The following PTPRK variants were observed in gnomAD, a reference collection of about 807,000 sequenced individuals.
PTPRK encodes the protein protein tyrosine phosphatase receptor type K.
Under a neutral mutation model 178.0 loss-of-function variants are expected in PTPRK, and 75 were observed. The observed-to-expected ratio is 0.42, with a 90% confidence interval of 0.35 to 0.51. PTPRK has a LOEUF of 0.51. Among genes scored for constraint, PTPRK ranks in the 20% least tolerant of loss-of-function variants. PTPRK has a pLI of 0.02. For missense variants in PTPRK, 1,441 were observed against 1,797.8 expected, an observed-to-expected ratio of 0.80 and a Z score of 3.59; for synonymous variants, 637 against 620.6, an observed-to-expected ratio of 1.03 and a Z score of -0.39.
chr6:128,399,282 G>T (rs1840722977), intron 1 of PTPRK, among the ~76,000 whole-genome samples: 1 of 152,126 alleles, frequency 6.6e-6, no homozygotes, highest in African/African-American at 2.4e-5. Context: ...GACAGGGAGG[G>T]GTCAGTGTCA....
intron 13 of PTPRK, among the ~76,000 whole-genome samples, chr6:128,048,805 T>G (rs1313462090): frequency 1.3e-5 from 2 of 152,218 alleles, no homozygotes; most frequent in Non-Finnish European, 2.9e-5. Flanking sequence ...ATAACTGATT[T>G]TGGTATCCTC....
At chr6:128,338,118 T>C (rs1831188210) in intron 2 of PTPRK, among the ~76,000 whole-genome samples, 1 of 152,176 alleles carries the variant, frequency 6.6e-6, no homozygotes, top group South Asian at 2.1e-4. Flanking sequence ...GTTGCTATCA[T>C]AAGTCAGATT....
At chr6:128,036,012 C>T (rs1776144670) in intron 13 of PTPRK, among the ~76,000 whole-genome samples, 2 of 152,096 alleles carry the variant, frequency 1.3e-5, no homozygotes, top group South Asian at 2.1e-4. Flanking sequence ...AGTTAGGTAA[C>T]TTTGGTTATC....
At position 127,995,328 on chromosome 6, in the gene PTPRK, C is replaced by G; in HGVS notation, c.2844+134G>C. On this transcript the variant is annotated intron_variant, in intron 18 of 29. Transcript: ENST00000368226. ...ACAACAATGTCAGTAAGTACTAGGA[C>G]GCAGAACAAGGAAAAGTGTACAGTT... 7 of 1,576,692 alleles carry G rather than the reference C, an allele frequency of 4.4e-6. No individual in the cohort carries two copies. In the African/African-American group the frequency reaches 5.4e-5, roughly 12 times the overall value.
At chr6:128,023,020 G>A (rs569492525) in intron 13 of PTPRK, among the ~76,000 whole-genome samples, 16 of 152,194 alleles carry the variant, frequency 1.1e-4, no homozygotes, top group African/African-American at 2.9e-4. Context: ...CATCCTCACC[G>A]CATTTTCTGC....
At chr6:128,290,996 T>G (rs555595423) in intron 3 of PTPRK, among the ~76,000 whole-genome samples, 4 of 152,174 alleles carry the variant, frequency 2.6e-5, no homozygotes, top group African/African-American at 9.6e-5. Flanking sequence ...AATGGCTTCT[T>G]GAAAAATGCC....
intron 2 of PTPRK, among the ~76,000 whole-genome samples, chr6:128,329,065 A>G (rs1044834486): frequency 1.3e-5 from 2 of 152,160 alleles, no homozygotes; most frequent in African/African-American, 4.8e-5. Context: ...GACCTCATGG[A>G]TCACCTGAAA....
chr6:128,399,984 G>A (rs563553251), intron 1 of PTPRK, among the ~76,000 whole-genome samples: 9 of 152,088 alleles, frequency 5.9e-5, no homozygotes, highest in African/African-American at 2.2e-4. Context: ...TAATCCAAGA[G>A]GCATAAAATA....
intron 5 of PTPRK, among the ~76,000 whole-genome samples, chr6:128,228,040 C>T (rs1309006043): frequency 6.7e-6 from 1 of 150,364 alleles, no homozygotes; most frequent in East Asian, 2.0e-4. Context: ...ATGAGTGCAG[C>T]AAACCACCAT....
At chr6:128,158,922 G>A (rs1405446036) in intron 7 of PTPRK, among the ~76,000 whole-genome samples, 1 of 151,812 alleles carries the variant, frequency 6.6e-6, no homozygotes, top group Admixed American at 6.6e-5. Context: ...GTTGTCATGG[G>A]CTCCCTCACA....
chr6:128,167,881 A>T (rs1799647033), intron 7 of PTPRK, among the ~76,000 whole-genome samples: 1 of 152,072 alleles, frequency 6.6e-6, no homozygotes, highest in African/African-American at 2.4e-5. Context: ...CACCTGACCT[A>T]GTAGCATTTT....
chr6:128,093,363 G>A (rs1256668643), intron 7 of PTPRK, among the ~76,000 whole-genome samples: 1 of 151,896 alleles, frequency 6.6e-6, no homozygotes. Context: ...GGAGGCCATG[G>A]TGGGCAGATG....
intron 3 of PTPRK, among the ~76,000 whole-genome samples, chr6:128,300,332 G>C (rs1825360312): frequency 6.6e-6 from 1 of 151,904 alleles, no homozygotes; most frequent in Non-Finnish European, 1.5e-5. Context: ...CAGGGATCTA[G>C]AACTAGAAAT....
At chr6:128,134,820 T>A (rs888308294) in intron 7 of PTPRK, among the ~76,000 whole-genome samples, 4 of 151,994 alleles carry the variant, frequency 2.6e-5, no homozygotes, top group African/African-American at 9.6e-5. Flanking sequence ...AACCAACAAA[T>A]AAACAAATCA....
At chr6:128,281,911 C>T (rs1821738285) in intron 3 of PTPRK, among the ~76,000 whole-genome samples, 2 of 151,892 alleles carry the variant, frequency 1.3e-5, no homozygotes, top group African/African-American at 2.4e-5. Flanking sequence ...TGAGCAGCTG[C>T]AGTTTTTGAC....
chr6:128,472,385 C>T (rs1254312517), intron 1 of PTPRK, among the ~76,000 whole-genome samples: 1 of 151,232 alleles, frequency 6.6e-6, no homozygotes, highest in Admixed American at 6.6e-5. Flanking sequence ...GACACCCTCC[C>T]CAATTTAGTT....
intron 7 of PTPRK, among the ~76,000 whole-genome samples, chr6:128,121,237 C>A (rs1792409224): frequency 6.6e-6 from 1 of 151,948 alleles, no homozygotes; most frequent in South Asian, 2.1e-4. Flanking sequence ...TTAGAGATGA[C>A]TCCAATGTAG....
At chr6:128,324,407 A>G (rs1389726294) in intron 2 of PTPRK, among the ~76,000 whole-genome samples, 5 of 152,130 alleles carry the variant, frequency 3.3e-5, no homozygotes, top group Admixed American at 6.6e-5. Context: ...AAGACCATTT[A>G]GGAATTTTCA....
intron 1 of PTPRK, among the ~76,000 whole-genome samples, chr6:128,497,952 C>A (rs1363141141): frequency 2.0e-5 from 3 of 151,940 alleles, no homozygotes; most frequent in Admixed American, 2.0e-4. Flanking sequence ...GTTTTAAGAA[C>A]AGGTTGACTA....
Sources: gnomAD v4.1 joint callset for allele counts (sites outside exome capture counted in the v4.1 genomes callset) on GRCh38, gnomAD v4.1.1 for gene constraint, MANE v1.5 for transcripts, NCBI Gene and HGNC (gene_info 2026-07-23, HGNC 2026-07-21) for gene names.